CASZ1: variants seen among roughly 807,000 people sequenced by gnomAD.
CASZ1 encodes the protein castor zinc finger 1.
CASZ1 carries 28 observed loss-of-function variants against 135.2 expected under a neutral mutation model. That is an observed-to-expected ratio of 0.21 (90% CI 0.15 to 0.28). The LOEUF is 0.28. Ranked by LOEUF, CASZ1 falls within the 10% of genes least tolerant of loss-of-function variation. CASZ1 has a pLI of 1.00. For synonymous variants in CASZ1, 1,068 were observed against 1,073.4 expected, an observed-to-expected ratio of 0.99 and a Z score of 0.10; for missense variants, 2,161 against 2,453.3, an observed-to-expected ratio of 0.88 and a Z score of 2.52.
rs1472832010 is a variant in CASZ1 at position 10,700,449 on chromosome 1, G to T, written c.-24+5043C>A. On this transcript the variant is annotated intron_variant, in intron 3 of 20. Coordinates refer to ENST00000377022, the MANE Select transcript of CASZ1 (RefSeq NM_001079843.3). This position sits in a 1 kb window ranked among gnomAD's most constrained non-coding sequence, Gnocchi z 4.2. ...AGGTTTTCTATGTGGAGCTGCCAGC[G>T]TACTTGGGGAGAAGACACGTGTGCT... Among the ~76,000 whole-genome samples the T allele has an allele frequency of 6.6e-6, 1 of 152,176 alleles. No individual in the cohort carries two copies. The highest frequency in any genetic ancestry group is 1.5e-5 in the Non-Finnish European group (1 of 68,032).
At position 10,788,671 on chromosome 1, in the gene CASZ1, G is replaced by A. The variant is rs373315671; in HGVS notation, c.-234+7893C>T. On this transcript the variant is annotated intron_variant, in intron 1 of 20. Transcript: ENST00000377022. This position sits in a 1 kb window ranked among gnomAD's most constrained non-coding sequence, Gnocchi z 4.1. ...GGAGACCACAGGCAGGACTCCAGTC[G>A]TCTTGGCAGCAAGTGTCCCTGACCG... Among the ~76,000 whole-genome samples, 9 of 152,198 alleles carry A rather than the reference G, an allele frequency of 5.9e-5. No individual in the cohort carries two copies. The highest frequency in any genetic ancestry group is 3.3e-4 in the Admixed American group (5 of 15,288).
Position 10,673,223 on chromosome 1 carries a change from A to C in CASZ1, c.17-7652T>G, listed in dbSNP as rs188217910. 9.6e-4 allele frequency among the ~76,000 whole-genome samples: 146 copies of C among 152,104 alleles called. 1 individual carries two copies. The highest frequency in any genetic ancestry group is 3.4e-3 in the African/African-American group (143 of 41,472). On this transcript the variant is annotated intron_variant, in intron 4 of 20. Coordinates refer to ENST00000377022, the MANE Select transcript of CASZ1 (RefSeq NM_001079843.3). ...ATGCAATTTTAAGCATTTATGTATAAATTTTTTAATAAGCCACCCTGGAGC... is the reference window on the plus strand; with the variant it reads ...ATGCAATTTTAAGCATTTATGTATACATTTTTTAATAAGCCACCCTGGAGC...
At position 10,646,149 on chromosome 1, in the gene CASZ1, C is replaced by T. The variant is rs1642357165; in HGVS notation, c.3675G>A (p.Leu1225=). The change falls in exon 17 of 21, where the codon CTG becomes CTA. Residue 1225 remains leucine (L), a synonymous_variant. Coordinates refer to ENST00000377022, the MANE Select transcript of CASZ1 (RefSeq NM_001079843.3). The surrounding 1 kb of genome is among the most constrained non-coding windows in gnomAD (Gnocchi z 6.4). ...NVRDQFAYYS[L]QCLCPNQHCE... ...TGACCTGGTTGGGACAGAGACACTG[C>T]AGAGAGTAGTATGCAAACTGGTCTC... The T allele has an allele frequency of 6.2e-7, 1 of 1,614,012 alleles. No individual in the cohort carries two copies. The highest frequency in any genetic ancestry group is 8.5e-7 in the Non-Finnish European group (1 of 1,180,034).
intron 2 of CASZ1, among the ~76,000 whole-genome samples, chr1:10,752,881 C>CA (rs1360337557): frequency 2.0e-5 from 3 of 152,086 alleles, no homozygotes; most frequent in East Asian, 3.9e-4. Flanking sequence ...ACCAAAAATA[C>CA]AAAAAATTAG....
intron 1 of CASZ1, among the ~76,000 whole-genome samples, chr1:10,789,061 C>G (rs965469495): frequency 4.6e-5 from 7 of 152,176 alleles, no homozygotes; most frequent in African/African-American, 1.7e-4. Flanking sequence ...ACCCTACCCC[C>G]ACCTGGGCCT....
rs538454216 is a variant in CASZ1, at chr1:10,786,723, T to C, written c.-234+9841A>G. Among the ~76,000 whole-genome samples, 147 of 151,188 alleles carry C rather than the reference T, an allele frequency of 9.7e-4. 1 individual carries two copies. Among genetic ancestry groups the C allele is most frequent in the South Asian group, 1.7e-3 (8 of 4,746 alleles). ...GATCCCCAGCTAACTCGCTCCAGAA[T>C]GCACCATCTACACTATATACAGCTC... On this transcript the variant is annotated intron_variant, in intron 1 of 20. Coordinates refer to ENST00000377022, the MANE Select transcript of CASZ1 (RefSeq NM_001079843.3).
In CASZ1 at chr1:10,679,039, C is replaced by G. The variant is rs1638330271; in HGVS notation, c.17-13468G>C. Among the ~76,000 whole-genome samples, 1 of 152,188 alleles carries G rather than the reference C, an allele frequency of 6.6e-6. No homozygotes were observed. Among genetic ancestry groups the G allele is most frequent in the Admixed American group, 6.5e-5 (1 of 15,282 alleles). On this transcript the variant is annotated intron_variant, in intron 4 of 20. Transcript: ENST00000377022. The surrounding 1 kb of genome is among the most constrained non-coding windows in gnomAD (Gnocchi z 4.7). ...CCCCTGGCTTCCGCTCTCTGGCTAT[C>G]TCTGGCCTATGCGTGTCCCCTCACT... is the stretch of plus-strand genomic sequence containing the variant.
chr1:10,714,426 C>T (rs968523173), intron 2 of CASZ1, among the ~76,000 whole-genome samples: 18 of 152,344 alleles, frequency 1.2e-4, no homozygotes, highest in African/African-American at 4.1e-4. Context: ...AACTCAGACT[C>T]GGCAGTGGCT....
intron 1 of CASZ1, among the ~76,000 whole-genome samples, chr1:10,771,666 C>CTCCTCCTCCTCCTCT (rs1413635836): frequency 1.3e-5 from 2 of 152,048 alleles, no homozygotes; most frequent in East Asian, 3.8e-4. Context: ...TTTCCTCCTC[C>CTCCTCCTCCTCCTCT]TCCTCCTCCT....
intron 2 of CASZ1, among the ~76,000 whole-genome samples, chr1:10,754,723 G>A (rs1217408016): frequency 1.3e-5 from 2 of 152,202 alleles, no homozygotes; most frequent in Non-Finnish European, 1.5e-5. Flanking sequence ...GCAGCACGGC[G>A]TGGGACTCAC....
intron 3 of CASZ1, among the ~76,000 whole-genome samples, chr1:10,702,292 C>T (rs7514663): frequency 0.074 from 11,225 of 152,236 alleles, 939 homozygotes; most frequent in African/African-American, 0.21. Context: ...TTTCAAGGAG[C>T]GCGCCCAGCT....
chr1:10,749,543 G>A (rs983081620), intron 2 of CASZ1, among the ~76,000 whole-genome samples: 1 of 152,070 alleles, frequency 6.6e-6, no homozygotes, highest in South Asian at 2.1e-4. Flanking sequence ...CACCACGCCC[G>A]GCCTATCTTT....
Position 10,665,323 on chromosome 1 carries a change from C to G in CASZ1, c.265G>C (p.Glu89Gln), listed in dbSNP as rs756684752. The G allele has an allele frequency of 3.1e-6, 5 of 1,612,686 alleles. No homozygotes were observed. In the South Asian group the frequency reaches 5.5e-5, roughly 18 times the overall value. The change falls in exon 5 of 21, where the codon GAG (glutamate) becomes CAG (glutamine). Residue 89 changes from glutamate to glutamine, a missense_variant. This residue lies in a region of CASZ1 where 590 missense variants were observed against 609.8 expected (regional missense o/e 0.97). Transcript: ENST00000377022. ...SEEDKRRAVI[E>Q]KWVNGEYSEE... Reference sequence around the variant, plus strand: ...CTGTACTCCCCGTTCACCCACTTCTCGATCACTGCCCGTCTCTTGTCTTCC... The same window carrying G: ...CTGTACTCCCCGTTCACCCACTTCTGGATCACTGCCCGTCTCTTGTCTTCC...
At chr1:10,656,897 C>T (rs919637420) in intron 7 of CASZ1, among the ~76,000 whole-genome samples, 161 bp from the exon 8 acceptor site, 3 of 152,088 alleles carry the variant, frequency 2.0e-5, no homozygotes, top group African/African-American at 7.2e-5. Flanking sequence ...GGCGGGAATC[C>T]CAGGCCCATT....
rs549584154 is a variant in CASZ1 at position 10,724,318 on chromosome 1, C to G, written c.-76-18774G>C. 1.3e-5 allele frequency among the ~76,000 whole-genome samples: 2 copies of G among 152,204 alleles called. No individual in the cohort carries two copies. The highest frequency in any genetic ancestry group is 2.9e-5 in the Non-Finnish European group (2 of 68,044). ...AAATCAAAGTGAACGCAACTGTTAC[C>G]AAGTCACTACTAAAATATTTACCAG... On this transcript the variant is annotated intron_variant, in intron 2 of 20. Transcript: ENST00000377022. This position sits in a 1 kb window ranked among gnomAD's most constrained non-coding sequence, Gnocchi z 4.1.
rs1570406062 is a variant in CASZ1 at position 10,648,150 on chromosome 1, T to G, written c.3159-11A>C. 5 of 1,470,840 alleles carry G rather than the reference T, an allele frequency of 3.4e-6. No homozygotes were observed. Among genetic ancestry groups the G allele is most frequent in the East Asian group, 2.5e-5 (1 of 39,306 alleles). The allele number at this position is 1,470,840 out of a possible 1,614,324, so 91.1% of individuals were successfully genotyped here. Reference sequence around the variant, plus strand: ...GTCCGGAAGTGGAAGCTGCGAGAGGTAGAAGAGGGGGTCTCATGGGGGGCA... The same window carrying G: ...GTCCGGAAGTGGAAGCTGCGAGAGGGAGAAGAGGGGGTCTCATGGGGGGCA... On this transcript the variant is annotated splice_polypyrimidine_tract_variant and intron_variant, in intron 15 of 20. Transcript: ENST00000377022.
chr1:10,690,498 G>A (rs902793898), intron 4 of CASZ1, among the ~76,000 whole-genome samples: 2 of 152,202 alleles, frequency 1.3e-5, no homozygotes, highest in African/African-American at 2.4e-5. Flanking sequence ...CACGCTTCCT[G>A]GCCTCCCCAC....
chr1:10,639,371 G>C lies in CASZ1; in HGVS notation c.4851C>G (p.Asp1617Glu). ...GCTCGGCGCCCAGCGACAGGGAGCC[G>C]TCCAGACTGATGGGAGGCCCGGGCG... ...GPAPGPPISLDGSLSLGAEPG... is the reference protein window; with the variant it reads ...GPAPGPPISLEGSLSLGAEPG... The change falls in exon 21 of 21, where the codon GAC becomes GAG. Residue 1617 changes from aspartate to glutamate, a missense_variant. This residue lies in a region of CASZ1 where 240 missense variants were observed against 321.4 expected (regional missense o/e 0.75). Transcript: ENST00000377022. This position sits in a 1 kb window ranked among gnomAD's most constrained non-coding sequence, Gnocchi z 4.0. The C allele has an allele frequency of 6.5e-7, 1 of 1,539,454 alleles. No homozygotes were observed. The highest frequency in any genetic ancestry group is 1.2e-5 in the South Asian group (1 of 83,630).
At position 10,665,184 on chromosome 1, in the gene CASZ1, T is replaced by A. The variant is rs2100290216; in HGVS notation, c.404A>T (p.His135Leu). Reference protein sequence around the residue: ...QPQGCSDEEDHAEEPSKDGGA... With the variant: ...QPQGCSDEEDLAEEPSKDGGA... ...GCCGTCCTTGGAGGGCTCCTCCGCG[T>A]GGTCTTCCTCATCGCTGCACCCCTG... is the stretch of plus-strand genomic sequence containing the variant. The change falls in exon 5 of 21, where the codon CAC becomes CTC. Residue 135 changes from histidine (H) to leucine (L), a missense_variant. His to Leu is a moderately conservative substitution (Grantham distance 99). This residue lies in a region of CASZ1 where 590 missense variants were observed against 609.8 expected (regional missense o/e 0.97). Transcript: ENST00000377022. 6.4e-7 allele frequency: 1 copy of A among 1,571,324 alleles called. No homozygotes were observed. Among genetic ancestry groups the A allele is most frequent in the Non-Finnish European group, 8.7e-7 (1 of 1,155,294 alleles).
Sources: allele counts gnomAD v4.1 joint callset (sites outside exome capture counted in the v4.1 genomes callset), GRCh38; gene constraint gnomAD v4.1.1; regional missense constraint gnomAD v4.1.1; non-coding constraint Gnocchi (gnomAD v3.1); transcripts MANE v1.5; gene names NCBI Gene and HGNC (gene_info 2026-07-23, HGNC 2026-07-21).